TMEM231: variants seen among roughly 807,000 people sequenced by gnomAD.
The protein encoded by TMEM231 is transmembrane protein 231.
TMEM231 carries 40 observed loss-of-function variants against 38.5 expected under a neutral mutation model. The observed-to-expected ratio is 1.04, with a 90% confidence interval of 0.81 to 1.35. TMEM231 has a LOEUF of 1.35. Among genes scored for constraint, TMEM231 ranks in the 40% most tolerant of loss-of-function variants. TMEM231 has a pLI of 0.00. For missense variants in TMEM231, 420 were observed against 416.9 expected, an observed-to-expected ratio of 1.01 and a Z score of -0.07; for synonymous variants, 199 against 181.7, an observed-to-expected ratio of 1.10 and a Z score of -0.77.
intron 4 of TMEM231, 32 bp from the exon 5 acceptor site, chr16:75,542,715 A>G (rs369056871): frequency 6.2e-7 from 1 of 1,600,570 alleles, no homozygotes; most frequent in Non-Finnish European, 8.6e-7. Flanking sequence ...TGGTGTGAGC[A>G]CCTGGGAGAC....
intron 2 of TMEM231, among the ~76,000 whole-genome samples, chr16:75,550,842 A>C (rs4324157): frequency 1.3e-5 from 2 of 151,074 alleles, no homozygotes; most frequent in African/African-American, 4.9e-5. Flanking sequence ...TCAGCCTCCC[A>C]AACAGCTGGG....
rs1367091960 is a variant in TMEM231 at position 75,538,389 on chromosome 16, C to T, written c.*1605G>A. 2 of 152,156 alleles carry T rather than the reference C, an allele frequency of 1.3e-5. No homozygotes were observed. The highest frequency in any genetic ancestry group is 2.1e-4 in the South Asian group (1 of 4,830). 9.4% of individuals were successfully genotyped at this position (152,156 alleles called of 1,614,324 possible). On this transcript the variant is annotated 3_prime_UTR_variant, in exon 7 of 7. Transcript: ENST00000258173. ...TGCATTAGAATAATTTAATAAAATG[C>T]AAACCAATGTTTATACGTATCTTGT...
At chr16:75,550,363 C>T (rs1463079046) in intron 2 of TMEM231, among the ~76,000 whole-genome samples, 1 of 152,192 alleles carries the variant, frequency 6.6e-6, no homozygotes, top group South Asian at 2.1e-4. Context: ...GTTCTTCACC[C>T]TGGCAGTGGT....
Position 75,555,992 on chromosome 16 carries a change from T to G in TMEM231, c.140-19A>C, listed in dbSNP as rs1481184582. On this transcript the variant is annotated intron_variant, in intron 1 of 6. Transcript: ENST00000258173. ...CAAAACCCTGAGTTAAAGAGGGCGG[T>G]AGGGAGGCGGTTAGGGAGGCCGGCC... is the stretch of plus-strand genomic sequence containing the variant. The G allele has an allele frequency of 1.3e-6, 2 of 1,593,964 alleles. No individual in the cohort carries two copies. Among genetic ancestry groups the G allele is most frequent in the Admixed American group, 3.5e-5 (2 of 57,492 alleles).
In TMEM231 at chr16:75,537,199, G is replaced by A. The variant is rs1352838122; in HGVS notation, c.*2795C>T. On this transcript the variant is annotated 3_prime_UTR_variant, in exon 7 of 7. Coordinates refer to ENST00000258173, the MANE Select transcript of TMEM231 (RefSeq NM_001077418.3). Reference sequence around the variant, plus strand: ...GTACTATGCTTATTACGTGGGTGATGAAATAATCTGTACACCAAACCCCCA... The same window carrying A: ...GTACTATGCTTATTACGTGGGTGATAAAATAATCTGTACACCAAACCCCCA... 6.6e-6 allele frequency: 1 copy of A among 150,906 alleles called. No homozygotes were observed. The highest frequency in any genetic ancestry group is 1.5e-5 in the Non-Finnish European group (1 of 67,890). The allele number at this position is 150,906 out of a possible 1,614,324, so 9.3% of individuals were successfully genotyped here.
At position 75,556,135 on chromosome 16, in the gene TMEM231, C is replaced by A; in HGVS notation, c.75G>T (p.Leu25=). Residue 25 remains leucine, a synonymous_variant, in exon 1 of 7, where the codon CTG becomes CTT. Coordinates refer to ENST00000258173, the MANE Select transcript of TMEM231 (RefSeq NM_001077418.3). Reference sequence around the variant, plus strand: ...TGAGCGCAGCGGCCAGCAGCAGGAACAGCGCGGCTTTGGAGCAGAGCCCCG... The same window carrying A: ...TGAGCGCAGCGGCCAGCAGCAGGAAAAGCGCGGCTTTGGAGCAGAGCCCCG... ...YRAGLCSKAA[L]FLLLAAALTY... 1 of 1,579,566 alleles carries A rather than the reference C, an allele frequency of 6.3e-7. No homozygotes were observed. Among genetic ancestry groups the A allele is most frequent in the South Asian group, 1.2e-5 (1 of 86,540 alleles).
intron 4 of TMEM231, among the ~76,000 whole-genome samples, chr16:75,544,529 GA>G (rs2080661168): frequency 6.6e-6 from 1 of 152,214 alleles, no homozygotes; most frequent in East Asian, 1.9e-4. Flanking sequence ...GGAGTGCGGG[GA>G]AAGGACAATG....
intron 4 of TMEM231, 148 bp from the exon 5 acceptor site, chr16:75,542,831 T>A (rs906516088): frequency 6.1e-6 from 4 of 650,570 alleles, no homozygotes; most frequent in Non-Finnish European, 1.1e-5. Flanking sequence ...TCTTCAAAGA[T>A]GAATAAAACA....
chr16:75,556,123 C>T lies in TMEM231; in HGVS notation c.87G>A (p.Leu29=). 1 of 1,577,224 alleles carries T rather than the reference C, an allele frequency of 6.3e-7. No homozygotes were observed. The highest frequency in any genetic ancestry group is 1.2e-5 in the South Asian group (1 of 86,482). The change falls in exon 1 of 7, where the codon CTG becomes CTA. Residue 29 remains leucine (L), a synonymous_variant. Coordinates refer to ENST00000258173, the MANE Select transcript of TMEM231 (RefSeq NM_001077418.3). ...LCSKAALFLL[L]AAALTYIPPL... Reference sequence around the variant, plus strand: ...GCGGGATGTACGTGAGCGCAGCGGCCAGCAGCAGGAACAGCGCGGCTTTGG... The same window carrying T: ...GCGGGATGTACGTGAGCGCAGCGGCTAGCAGCAGGAACAGCGCGGCTTTGG...
intron 2 of TMEM231, among the ~76,000 whole-genome samples, chr16:75,554,545 C>CAAAAAAAAAAAAAAAA (rs1185694717): frequency 5.3e-5 from 5 of 94,112 alleles, no homozygotes; most frequent in Non-Finnish European, 9.5e-5. Flanking sequence ...GACTGTGTCT[C>CAAAAAAAAAAAAAAAA]AAAAAAAAAA....
At chr16:75,551,372 A>AT (rs2080758938) in intron 2 of TMEM231, among the ~76,000 whole-genome samples, 1 of 151,884 alleles carries the variant, frequency 6.6e-6, no homozygotes, top group Admixed American at 6.6e-5. Context: ...TAATTTTTAA[A>AT]TTTTTTATAG....
intron 4 of TMEM231, among the ~76,000 whole-genome samples, chr16:75,544,949 C>CTTCTTTTTTTTTTTTTTTTTTTTT (rs2080666559): frequency 4.5e-5 from 4 of 89,620 alleles, no homozygotes; most frequent in Admixed American, 1.2e-4. Flanking sequence ...TTTTCTTTTT[C>CTTCTTTTTTTTTTTTTTTTTTTTT]TTTTTTTTTT....
intron 2 of TMEM231, chr16:75,546,216 T>G: frequency 2.0e-6 from 2 of 1,001,146 alleles, no homozygotes; most frequent in Non-Finnish European, 2.8e-6. Context: ...AACATCTGGA[T>G]AGTATTTGTG....
chr16:75,546,375 C>T (rs1263675379), intron 2 of TMEM231, among the ~76,000 whole-genome samples: 1 of 152,134 alleles, frequency 6.6e-6, no homozygotes, highest in Non-Finnish European at 1.5e-5. Flanking sequence ...AATAGAAAAA[C>T]ACCTAATCCT....
intron 2 of TMEM231, 75 bp downstream of exon 2, chr16:75,555,729 C>A: frequency 7.2e-7 from 1 of 1,391,756 alleles, no homozygotes; most frequent in Non-Finnish European, 9.4e-7. Flanking sequence ...GGGCCGCTCG[C>A]CCCACATCCT....
intron 2 of TMEM231, among the ~76,000 whole-genome samples, chr16:75,550,538 C>T (rs2080746665): frequency 6.6e-6 from 1 of 152,136 alleles, no homozygotes; most frequent in African/African-American, 2.4e-5. Context: ...GAGACAATAC[C>T]TCATAACCAG....
chr16:75,544,850 C>T (rs1267957356), intron 4 of TMEM231, among the ~76,000 whole-genome samples: 1 of 151,974 alleles, frequency 6.6e-6, no homozygotes, highest in Non-Finnish European at 1.5e-5. Flanking sequence ...ATGCGTGTAC[C>T]TTCTCTGTAG....
intron 2 of TMEM231, among the ~76,000 whole-genome samples, chr16:75,548,277 G>C (rs2080716972): frequency 6.6e-6 from 1 of 152,168 alleles, no homozygotes; most frequent in Non-Finnish European, 1.5e-5. Flanking sequence ...AGCAGCACCA[G>C]GCATCTACGT....
chr16:75,551,357 C>T (rs888918814), intron 2 of TMEM231, among the ~76,000 whole-genome samples: 1 of 152,162 alleles, frequency 6.6e-6, no homozygotes, highest in Non-Finnish European at 1.5e-5. Flanking sequence ...ACCACTACCC[C>T]TGGCTAATTT....
Sources: gnomAD v4.1 joint callset for allele counts (sites outside exome capture counted in the v4.1 genomes callset) on GRCh38, gnomAD v4.1.1 for gene constraint, MANE v1.5 for transcripts, NCBI Gene and HGNC (gene_info 2026-07-23, HGNC 2026-07-21) for gene names.